SLC4A10: variants seen among roughly 807,000 people sequenced by gnomAD.
The protein encoded by SLC4A10 is solute carrier family 4 member 10.
SLC4A10 carries 42 observed loss-of-function variants against 137.7 expected under a neutral mutation model. That is an observed-to-expected ratio of 0.30 (90% CI 0.24 to 0.39). The LOEUF (loss-of-function observed/expected upper bound fraction) is 0.39. SLC4A10 is among the 10% of genes least tolerant of loss of function. SLC4A10 has a pLI of 1.00. For missense variants in SLC4A10, 925 were observed against 1,355.0 expected, an observed-to-expected ratio of 0.68 and a Z score of 4.98; for synonymous variants, 474 against 464.1, an observed-to-expected ratio of 1.02 and a Z score of -0.27.
At chr2:161,685,031 C>T (rs1044618283) in intron 1 of SLC4A10, among the ~76,000 whole-genome samples, 5 of 152,088 alleles carry the variant, frequency 3.3e-5, no homozygotes, top group African/African-American at 1.2e-4. Flanking sequence ...GGCATAAAGC[C>T]AGACTGCCTA....
intron 15 of SLC4A10, among the ~76,000 whole-genome samples, chr2:161,926,833 G>T (rs199929285): frequency 5.1e-4 from 75 of 148,130 alleles, no homozygotes; most frequent in Non-Finnish European, 8.9e-4. Context: ...AGTTTGGCTG[G>T]ATATGAAATT....
At chr2:161,728,539 ACTC>A (rs2046477154) in intron 1 of SLC4A10, among the ~76,000 whole-genome samples, 1 of 151,948 alleles carries the variant, frequency 6.6e-6, no homozygotes, top group African/African-American at 2.4e-5. Context: ...CGCGCCCTGT[ACTC>A]CAGCCTAGGC....
intron 2 of SLC4A10, among the ~76,000 whole-genome samples, chr2:161,800,837 G>A (rs2055300155): frequency 1.3e-5 from 2 of 152,000 alleles, no homozygotes; most frequent in South Asian, 4.1e-4. Flanking sequence ...TCAGAATGGA[G>A]CAAAGAAATA....
chr2:161,769,147 C>A (rs967420770), intron 1 of SLC4A10, among the ~76,000 whole-genome samples: 6 of 151,922 alleles, frequency 3.9e-5, no homozygotes, highest in African/African-American at 1.4e-4. Context: ...GCCGACTAAC[C>A]AAACTGTTAG....
At chr2:161,640,593 T>TTTTC (rs2035134850) in intron 1 of SLC4A10, among the ~76,000 whole-genome samples, 1 of 119,260 alleles carries the variant, frequency 8.4e-6, no homozygotes, top group Non-Finnish European at 1.8e-5. Context: ...TTTCTCTTTC[T>TTTTC]TTCCTTCCTT....
chr2:161,928,825 G>A (rs924780146), intron 15 of SLC4A10, among the ~76,000 whole-genome samples: 28 of 151,938 alleles, frequency 1.8e-4, no homozygotes, highest in African/African-American at 6.8e-4. Flanking sequence ...TATAGCAACT[G>A]TATGCACGCC....
chr2:161,646,787 A>T (rs1486557653), intron 1 of SLC4A10, among the ~76,000 whole-genome samples: 1 of 151,982 alleles, frequency 6.6e-6, no homozygotes, highest in African/African-American at 2.4e-5. Flanking sequence ...TGCCATAGAT[A>T]TTTTTTATCC....
intron 6 of SLC4A10, among the ~76,000 whole-genome samples, chr2:161,870,727 G>A (rs920117383): frequency 6.6e-6 from 1 of 151,816 alleles, no homozygotes; most frequent in African/African-American, 2.4e-5. Flanking sequence ...GCACATTGTG[G>A]TTAGAAATGG....
At chr2:161,640,546 A>C (rs964182247) in intron 1 of SLC4A10, among the ~76,000 whole-genome samples, 1 of 151,932 alleles carries the variant, frequency 6.6e-6, no homozygotes, top group African/African-American at 2.4e-5. Flanking sequence ...TCCATTTACA[A>C]CTTTGTTTGC....
chr2:161,679,502 G>T (rs2040612973), intron 1 of SLC4A10, among the ~76,000 whole-genome samples: 1 of 152,060 alleles, frequency 6.6e-6, no homozygotes, highest in African/African-American at 2.4e-5. Flanking sequence ...ATTACATGAT[G>T]ACATGTAAAA....
intron 13 of SLC4A10, among the ~76,000 whole-genome samples, chr2:161,904,445 T>C (rs1683858464): frequency 6.6e-6 from 1 of 152,124 alleles, no homozygotes; most frequent in South Asian, 2.1e-4. Context: ...CTAGGTTTAG[T>C]CTCCATTCTT....
At position 161,950,862 on chromosome 2, in the gene SLC4A10, T is replaced by C. The variant is rs1337980481; in HGVS notation, c.2541+14T>C. 2 of 1,567,800 alleles carry C rather than the reference T, an allele frequency of 1.3e-6. No homozygotes were observed. Among genetic ancestry groups the C allele is most frequent in the South Asian group, 2.4e-5 (2 of 84,646 alleles). ...CATAAGCTAAAGGTATATTTTAACA[T>C]CCATTTTAATGTAAATAATTATGAC... On this transcript the variant is annotated intron_variant, in intron 19 of 26. Transcript: ENST00000446997.
At chr2:161,671,597 T>C (rs961839931) in intron 1 of SLC4A10, among the ~76,000 whole-genome samples, 3 of 152,124 alleles carry the variant, frequency 2.0e-5, no homozygotes, top group African/African-American at 4.8e-5. Context: ...GCTCACCACC[T>C]GGGTGACAGG....
intron 2 of SLC4A10, among the ~76,000 whole-genome samples, 197 bp from the exon 3 acceptor site, chr2:161,804,252 G>A (rs1228215276): frequency 6.6e-6 from 1 of 152,136 alleles, no homozygotes; most frequent in East Asian, 1.9e-4. Context: ...TATTATACAT[G>A]TTTGTGATAG....
chr2:161,863,108 G>T, intron 6 of SLC4A10, 46 bp downstream of exon 6: 1 of 1,506,800 alleles, frequency 6.6e-7, no homozygotes, highest in South Asian at 1.3e-5. Flanking sequence ...ATAGGTCTCT[G>T]ACATATCAAA....
intron 1 of SLC4A10, among the ~76,000 whole-genome samples, chr2:161,721,389 A>G (rs942879253): frequency 1.3e-5 from 2 of 152,142 alleles, no homozygotes; most frequent in Non-Finnish European, 2.9e-5. Context: ...GGTGGTGACA[A>G]ATTCCCTCAG....
chr2:161,982,044 G>A (rs1156461764), intron 26 of SLC4A10, among the ~76,000 whole-genome samples: 1 of 152,182 alleles, frequency 6.6e-6, no homozygotes, highest in Admixed American at 6.5e-5. Context: ...AGTTGTACAG[G>A]AGGCCCCATA....
At chr2:161,868,002 C>T (rs1476377248) in intron 6 of SLC4A10, among the ~76,000 whole-genome samples, 1 of 151,816 alleles carries the variant, frequency 6.6e-6, no homozygotes, top group Non-Finnish European at 1.5e-5. Context: ...ATGTCTTCAT[C>T]CCAGTTTCCT....
chr2:161,950,599 G>T, intron 18 of SLC4A10, 88 bp from the exon 19 acceptor site: 1 of 1,253,518 alleles, frequency 8.0e-7, no homozygotes, highest in Non-Finnish European at 1.1e-6. Context: ...TTATAATTAG[G>T]GCTTTCCTAG....
Sources: allele counts gnomAD v4.1 joint callset (sites outside exome capture counted in the v4.1 genomes callset), GRCh38; gene constraint gnomAD v4.1.1; transcripts MANE v1.5; gene names NCBI Gene and HGNC (gene_info 2026-07-23, HGNC 2026-07-21).